DNAH5: variants seen among roughly 807,000 people sequenced by gnomAD.
The protein encoded by DNAH5 is axonemal beta dynein heavy chain 5.
Under a neutral mutation model 518.2 loss-of-function variants are expected in DNAH5, and 372 were observed. The observed-to-expected ratio is 0.72, with a 90% confidence interval of 0.66 to 0.78. The LOEUF is 0.78. Ranked by LOEUF, DNAH5 falls within the 30% of genes least tolerant of loss-of-function variation. DNAH5 has a pLI of 0.00. For missense variants in DNAH5, 5,523 were observed against 5,687.0 expected (o/e 0.97, Z 0.93); for synonymous variants, 2,039 against 2,025.9 (o/e 1.01, Z -0.17).
chr5:13,840,218 T>C (rs1213372925), intron 34 of DNAH5, among the ~76,000 whole-genome samples: 1 of 152,236 alleles, frequency 6.6e-6, no homozygotes, highest in African/African-American at 2.4e-5. Context: ...TTACTTCCAT[T>C]ATATCAGGAC....
At position 13,933,755 on chromosome 5, in the gene DNAH5, A is replaced by G. The variant is rs182788381; in HGVS notation, c.58-2511T>C. On this transcript the variant is annotated intron_variant, in intron 1 of 78. Transcript: ENST00000265104. ...CAGTGAGCCGAGATTGCACCATTGC[A>G]CTCCAGCCTGGATGACAGAGTGAGA... Among the ~76,000 whole-genome samples the G allele has an allele frequency of 2.1e-3, 295 of 142,780 alleles. 2 individuals are homozygous for G. The highest frequency in any genetic ancestry group is 7.8e-3 in the African/African-American group (290 of 37,166). The allele number at this position is 142,780 out of a possible 152,430, so 93.7% of individuals were successfully genotyped here.
intron 1 of DNAH5, among the ~76,000 whole-genome samples, chr5:13,978,974 G>T (rs536247057): frequency 5.7e-4 from 86 of 152,140 alleles, no homozygotes; most frequent in Non-Finnish European, 7.2e-4. Flanking sequence ...AGCCTCCTCT[G>T]CCCTCCATTG....
At chr5:13,962,251 A>G (rs1022494786) in intron 1 of DNAH5, among the ~76,000 whole-genome samples, 1 of 152,210 alleles carries the variant, frequency 6.6e-6, no homozygotes, top group Admixed American at 6.5e-5. Flanking sequence ...TTGTATGTAA[A>G]TTGAATTTTT....
intron 21 of DNAH5, among the ~76,000 whole-genome samples, chr5:13,879,189 C>T (rs73746948): frequency 0.15 from 23,483 of 151,996 alleles, 2,008 homozygotes; most frequent in African/African-American, 0.23. Flanking sequence ...AGAAAATGAA[C>T]AAAAACAGGG....
chr5:13,722,105 C>T (rs963161627), intron 70 of DNAH5, among the ~76,000 whole-genome samples: 1 of 152,156 alleles, frequency 6.6e-6, no homozygotes, highest in Non-Finnish European at 1.5e-5. Flanking sequence ...ATAACTTAGG[C>T]GTGGGTGCAA....
chr5:13,761,152 A>G (rs1464818544), intron 60 of DNAH5, among the ~76,000 whole-genome samples: 2 of 152,252 alleles, frequency 1.3e-5, no homozygotes, highest in Non-Finnish European at 2.9e-5. Context: ...TGAAATGTGG[A>G]TGGCATTGAA....
In DNAH5 at chr5:13,916,444, C is replaced by A; in HGVS notation, c.1101G>T (p.Met367Ile). Reference sequence around the variant, plus strand: ...CATTTATAAGTGTAGGAATAGCATCCATCATGGATAGCTGAAAGATATCAC... The same window carrying A: ...CATTTATAAGTGTAGGAATAGCATCAATCATGGATAGCTGAAAGATATCAC... ...PLYSSDPLSM[M>I]DAIPTLINAI... Residue 367 changes from methionine (M) to isoleucine (I), a missense_variant, in exon 9 of 79, where the codon ATG becomes ATT. By Grantham distance (10) the Met-to-Ile change is conservative. Coordinates refer to ENST00000265104, the MANE Select transcript of DNAH5 (RefSeq NM_001369.3). 6.5e-7 allele frequency: 1 copy of A among 1,547,272 alleles called. No individual in the cohort carries two copies.
intron 1 of DNAH5, among the ~76,000 whole-genome samples, chr5:13,957,284 C>T (rs1780824558): frequency 1.3e-5 from 2 of 152,196 alleles, no homozygotes; most frequent in African/African-American, 4.8e-5. Context: ...GAAAGTATAA[C>T]TCACCCATTA....
intron 1 of DNAH5, among the ~76,000 whole-genome samples, chr5:13,970,721 T>C: frequency 6.6e-6 from 1 of 152,222 alleles, no homozygotes; most frequent in East Asian, 1.9e-4. Flanking sequence ...CTTAAGATTC[T>C]TTCCTTCATC....
chr5:13,806,337 AAGAT>A (rs957897499), intron 47 of DNAH5, among the ~76,000 whole-genome samples: 5 of 152,138 alleles, frequency 3.3e-5, no homozygotes, highest in African/African-American at 1.2e-4. Context: ...ATTTGATAGA[AAGAT>A]AGCCCATACT....
chr5:13,745,756 T>C (rs1366900231), intron 65 of DNAH5, among the ~76,000 whole-genome samples: 1 of 152,080 alleles, frequency 6.6e-6, no homozygotes, highest in Non-Finnish European at 1.5e-5. Context: ...GTTTCCAACA[T>C]CAACTTCCTA....
rs561550206 is a variant in DNAH5, at chr5:13,995,648, A to C, written c.12+16000T>G. Among the ~76,000 whole-genome samples the C allele has an allele frequency of 1.4e-4, 21 of 152,324 alleles. No individual in the cohort carries two copies. The East Asian group carries it at 4.1e-3, about 29-fold the overall frequency. ...ATCCAGGTTAAAAAAAAAGTAGCAA[A>C]ATGTTTTAATTAACTTCCTGAAAGA... On this transcript the variant is annotated intron_variant, in intron 1 of 78. Transcript: ENST00000681290.
In DNAH5 at chr5:13,970,158, C is replaced by T. The variant is rs116802142; in HGVS notation, c.13-38914G>A. 8.7e-3 allele frequency among the ~76,000 whole-genome samples: 1,319 copies of T among 152,130 alleles called. 22 individuals carry two copies. Among genetic ancestry groups the T allele is most frequent in the African/African-American group, 0.031 (1,276 of 41,508 alleles). ...ATTTGCATGGAATATCTTTTTCCAC[C>T]CCTTTACCTTAAATGTATGTGAGTC... On this transcript the variant is annotated intron_variant, in intron 1 of 78. Transcript: ENST00000681290.
intron 30 of DNAH5, among the ~76,000 whole-genome samples, chr5:13,852,843 T>A (rs1226407657): frequency 6.6e-6 from 1 of 152,094 alleles, no homozygotes; most frequent in Admixed American, 6.5e-5. Context: ...GTGCAGGGCA[T>A]CTCTGAAAAA....
rs550876701 is a variant in DNAH5 at position 13,715,292 on chromosome 5, G to A, written c.12910-672C>T. 3.2e-4 allele frequency among the ~76,000 whole-genome samples: 49 copies of A among 152,222 alleles called. 1 individual carries two copies. The highest frequency in any genetic ancestry group is 1.8e-3 in the Admixed American group (28 of 15,298). On this transcript the variant is annotated intron_variant, in intron 74 of 78. Coordinates refer to ENST00000265104, the MANE Select transcript of DNAH5 (RefSeq NM_001369.3). ...TAACTTAATTATTTGAGTCATACTCGTATTTCCCTCCCTTCTTCTCCCTCA... is the reference window on the plus strand; with the variant it reads ...TAACTTAATTATTTGAGTCATACTCATATTTCCCTCCCTTCTTCTCCCTCA...
intron 1 of DNAH5, among the ~76,000 whole-genome samples, chr5:14,008,183 A>AAAG (rs1784862202): frequency 6.9e-6 from 1 of 144,458 alleles, no homozygotes; most frequent in African/African-American, 2.6e-5. Flanking sequence ...GAAAAAAAAA[A>AAAG]AAAGAAAGAA....
Position 13,950,705 on chromosome 5 carries a change from G to A in DNAH5, c.13-19461C>T, listed in dbSNP as rs1415205010. On this transcript the variant is annotated intron_variant, in intron 1 of 78. Transcript: ENST00000681290. The stretch of plus-strand genomic sequence containing the variant: ...GGTGCAAATCACCAAGATTATTATA[G>A]TAAGTCTTTCTGGCATCCTGCTTTT... Among the ~76,000 whole-genome samples the A allele has an allele frequency of 5.9e-5, 9 of 152,210 alleles. No homozygotes were observed. In the South Asian group the frequency reaches 1.0e-3, roughly 18 times the overall value.
At chr5:13,736,246 G>T (rs1316699244) in intron 66 of DNAH5, among the ~76,000 whole-genome samples, 1 of 152,154 alleles carries the variant, frequency 6.6e-6, no homozygotes, top group East Asian at 1.9e-4. Context: ...GGTTGTGTTA[G>T]TTTAACACCC....
At chr5:14,006,575 G>A (rs1784737192) in intron 1 of DNAH5, among the ~76,000 whole-genome samples, 1 of 152,112 alleles carries the variant, frequency 6.6e-6, no homozygotes, top group Non-Finnish European at 1.5e-5. Context: ...TCGGATTGGA[G>A]CCCACACATA....
Sources: allele counts gnomAD v4.1 joint callset (sites outside exome capture counted in the v4.1 genomes callset), GRCh38; gene constraint gnomAD v4.1.1; transcripts MANE v1.5; gene names NCBI Gene and HGNC (gene_info 2026-07-23, HGNC 2026-07-21).